The following SHISA9 variants were observed in gnomAD, a reference collection of about 807,000 sequenced individuals.
SHISA9 encodes the protein protein shisa-9.
SHISA9 carries 13 observed loss-of-function variants against 38.0 expected under a neutral mutation model. That is an observed-to-expected ratio of 0.34 (90% CI 0.22 to 0.54). The LOEUF (loss-of-function observed/expected upper bound fraction) is 0.54. Among genes scored for constraint, SHISA9 ranks in the 20% least tolerant of loss-of-function variants. The probability of loss-of-function intolerance (pLI) is 0.91; values close to 1 mark genes in which losing one functional copy is unlikely to be tolerated. For synonymous variants in SHISA9, 275 were observed against 242.0 expected, an observed-to-expected ratio of 1.14 and a Z score of -1.27; for missense variants, 538 against 575.8, an observed-to-expected ratio of 0.93 and a Z score of 0.67.
the SHISA9 span, among the ~76,000 whole-genome samples, chr16:13,554,201 G>T: frequency 2.0e-5 from 3 of 151,310 alleles, no homozygotes; most frequent in Non-Finnish European, 4.4e-5. Context: ...GCTCTGATTG[G>T]CTTAAACCAA....
chr16:13,190,686 CT>C (rs1368541819), intron 2 of SHISA9, among the ~76,000 whole-genome samples: 1 of 152,186 alleles, frequency 6.6e-6, no homozygotes, highest in Non-Finnish European at 1.5e-5. Flanking sequence ...AGACTGTTAT[CT>C]ATTTGCAGCA....
chr16:13,250,535 T>C, the SHISA9 span, among the ~76,000 whole-genome samples: 521 of 152,310 alleles, frequency 3.4e-3, 2 homozygotes, highest in African/African-American at 0.012. Context: ...ATATAGAGGT[T>C]GCATTCAGTG....
intron 2 of SHISA9, among the ~76,000 whole-genome samples, chr16:13,002,484 CTG>C (rs750129411): frequency 2.7e-5 from 4 of 150,778 alleles, no homozygotes; most frequent in Non-Finnish European, 2.9e-5. Flanking sequence ...ATGCCAGACA[CTG>C]TGCTAGGATC....
the SHISA9 span, among the ~76,000 whole-genome samples, chr16:13,430,828 A>G: frequency 6.6e-6 from 1 of 151,472 alleles, no homozygotes; most frequent in Non-Finnish European, 1.5e-5. Context: ...TCAAGGTGGG[A>G]GGATCTCTTG....
chr16:13,034,618 C>G (rs1444103918), intron 2 of SHISA9, among the ~76,000 whole-genome samples: 1 of 152,038 alleles, frequency 6.6e-6, no homozygotes, highest in Non-Finnish European at 1.5e-5. Context: ...TTCCATGTGA[C>G]TTTGCAGTTT....
At position 13,238,547 on chromosome 16, in the gene SHISA9, C is replaced by G. The variant is rs535753543; in HGVS notation, c.*3138C>G. 7.2e-5 allele frequency: 11 copies of G among 152,296 alleles called. No individual in the cohort carries two copies. The highest frequency in any genetic ancestry group is 2.6e-4 in the African/African-American group (11 of 41,548). The allele number at this position is 152,296 out of a possible 1,614,324, so 9.4% of individuals were successfully genotyped here. On this transcript the variant is annotated 3_prime_UTR_variant, in exon 5 of 5. Transcript: ENST00000558583. ...ATTCCTTCTGCATGCTCCTTCTCCTCTGAATAAACTTCATCAATTGAACTG... is the reference window on the plus strand; with the variant it reads ...ATTCCTTCTGCATGCTCCTTCTCCTGTGAATAAACTTCATCAATTGAACTG...
At chr16:13,317,698 T>C in the SHISA9 span, among the ~76,000 whole-genome samples, 1 of 152,200 alleles carries the variant, frequency 6.6e-6, no homozygotes, top group Non-Finnish European at 1.5e-5. Flanking sequence ...ATGTAGGAGA[T>C]GATGCTTCAC....
chr16:13,135,362 G>T (rs1437708597), intron 2 of SHISA9, among the ~76,000 whole-genome samples: 1 of 152,222 alleles, frequency 6.6e-6, no homozygotes, highest in Non-Finnish European at 1.5e-5. Context: ...CAAGGAGTGT[G>T]ATCAGCAGAT....
chr16:13,358,244 A>G, the SHISA9 span, among the ~76,000 whole-genome samples: 1 of 152,184 alleles, frequency 6.6e-6, no homozygotes, highest in African/African-American at 2.4e-5. Flanking sequence ...CTGATTGATT[A>G]GTGATGTCTA....
intron 2 of SHISA9, among the ~76,000 whole-genome samples, chr16:12,951,719 G>A (rs2071760218): frequency 6.6e-6 from 1 of 152,130 alleles, no homozygotes; most frequent in African/African-American, 2.4e-5. Context: ...CTCCTGGTTA[G>A]AGAAGAATTC....
rs534385384 is a variant in SHISA9, at chr16:12,920,088, G to A, written c.691+3273G>A. On this transcript the variant is annotated intron_variant, in intron 2 of 4. Coordinates refer to ENST00000558583, the MANE Select transcript of SHISA9 (RefSeq NM_001145204.3). Reference sequence around the variant, plus strand: ...TAAGGATGGAAGACGTGAGTGAGGGGCTGTGGCTACAGCCTGGATCAACGT... The same window carrying A: ...TAAGGATGGAAGACGTGAGTGAGGGACTGTGGCTACAGCCTGGATCAACGT... Among the ~76,000 whole-genome samples the A allele has an allele frequency of 2.0e-5, 3 of 151,914 alleles. No individual in the cohort carries two copies. The South Asian group carries it at 6.2e-4, about 32-fold the overall frequency.
At chr16:13,270,857 A>G in the SHISA9 span, among the ~76,000 whole-genome samples, 124 of 152,314 alleles carry the variant, frequency 8.1e-4, no homozygotes, top group Admixed American at 3.3e-3. Flanking sequence ...GACTCTGATT[A>G]GAAGTATAGT....
chr16:13,085,228 C>G (rs1389400979), intron 2 of SHISA9, among the ~76,000 whole-genome samples: 1 of 152,034 alleles, frequency 6.6e-6, no homozygotes, highest in East Asian at 1.9e-4. Flanking sequence ...GACTATTTCT[C>G]TATATCTATG....
the SHISA9 span, among the ~76,000 whole-genome samples, chr16:13,561,830 A>C: frequency 6.6e-6 from 1 of 152,196 alleles, no homozygotes; most frequent in African/African-American, 2.4e-5. Flanking sequence ...GAGGTGCCAG[A>C]TAATGTTTCC....
At chr16:13,177,680 G>A (rs917673467) in intron 2 of SHISA9, among the ~76,000 whole-genome samples, 4 of 151,848 alleles carry the variant, frequency 2.6e-5, no homozygotes, top group African/African-American at 9.7e-5. Context: ...TTGTTTGTTT[G>A]TTTTGTTGAG....
chr16:13,512,081 A>G, the SHISA9 span, among the ~76,000 whole-genome samples: 1 of 152,324 alleles, frequency 6.6e-6, no homozygotes, highest in East Asian at 1.9e-4. Flanking sequence ...TCTGGTCTCC[A>G]TAACAAAGCA....
the SHISA9 span, among the ~76,000 whole-genome samples, chr16:13,351,291 G>A: frequency 2.6e-5 from 4 of 152,136 alleles, no homozygotes; most frequent in Non-Finnish European, 5.9e-5. Flanking sequence ...CGACGTTAAA[G>A]CTACCAGGGC....
intron 2 of SHISA9, among the ~76,000 whole-genome samples, chr16:12,998,861 C>T (rs1358935668): frequency 1.3e-5 from 2 of 152,166 alleles, no homozygotes; most frequent in Non-Finnish European, 2.9e-5. Flanking sequence ...AGTTGATCCT[C>T]ATTATTCATG....
chr16:13,539,358 T>TATATATATATATATAA, the SHISA9 span, among the ~76,000 whole-genome samples: 4 of 65,360 alleles, frequency 6.1e-5, no homozygotes, highest in Admixed American at 4.2e-4. Context: ...TATATATATA[T>TATATATATATATATAA]AAAGACAGGA....
Sources: gnomAD v4.1 joint callset for allele counts (sites outside exome capture counted in the v4.1 genomes callset) on GRCh38, gnomAD v4.1.1 for gene constraint, MANE v1.5 for transcripts, NCBI Gene and HGNC (gene_info 2026-07-23, HGNC 2026-07-21) for gene names.